ADARB2: variants seen among roughly 807,000 people sequenced by gnomAD.
ADARB2 encodes adenosine deaminase RNA specific B2 (inactive).
A neutral mutation model predicts 62.2 loss-of-function variants in ADARB2; 25 were observed. The ratio of observed to expected loss-of-function variants is 0.40; its 90% CI spans 0.29 to 0.56. ADARB2 has a LOEUF of 0.56. Among genes scored for constraint, ADARB2 ranks in the 20% least tolerant of loss-of-function variants. ADARB2 has a pLI of 0.43. For synonymous variants in ADARB2, 572 were observed against 500.8 expected (o/e 1.14, Z -1.90); for missense variants, 1,071 against 1,077.4 (o/e 0.99, Z 0.08).
At chr10:1,236,380 C>T (rs1240052423) in intron 5 of ADARB2, among the ~76,000 whole-genome samples, 5 of 12,348 alleles carry the variant, frequency 4.0e-4, no homozygotes, top group African/African-American at 7.3e-4. Flanking sequence ...CTCCCCTCTG[C>T]CTCCCGGTGT....
intron 1 of ADARB2, among the ~76,000 whole-genome samples, chr10:1,564,739 AT>A (rs1832834666): frequency 6.6e-6 from 1 of 152,100 alleles, no homozygotes; most frequent in African/African-American, 2.4e-5. Flanking sequence ...TAGAATGGCA[AT>A]CATTAAAAAG....
chr10:1,302,791 A>G (rs141561195), intron 3 of ADARB2, among the ~76,000 whole-genome samples: 135 of 152,336 alleles, frequency 8.9e-4, no homozygotes, highest in African/African-American at 3.0e-3. Flanking sequence ...ACTACAGGGT[A>G]CTCCAACAGA....
intron 3 of ADARB2, among the ~76,000 whole-genome samples, chr10:1,355,174 G>A (rs73576628): frequency 0.073 from 11,047 of 151,056 alleles, 712 homozygotes; most frequent in African/African-American, 0.17. Context: ...TCAGCCCACC[G>A]TGGTTTCTCC....
At chr10:1,196,816 G>T (rs920113204) in intron 8 of ADARB2, among the ~76,000 whole-genome samples, 2 of 152,016 alleles carry the variant, frequency 1.3e-5, no homozygotes, top group African/African-American at 4.8e-5. Context: ...TGGCCAGGCT[G>T]GTCTCAAACT....
chr10:1,620,921 A>G (rs948729455), intron 1 of ADARB2, among the ~76,000 whole-genome samples: 6 of 152,244 alleles, frequency 3.9e-5, no homozygotes, highest in Non-Finnish European at 2.9e-5. Context: ...CATTCATGAC[A>G]AACTCCCTTA....
At chr10:1,630,931 G>T (rs554731286) in intron 1 of ADARB2, among the ~76,000 whole-genome samples, 26 of 151,668 alleles carry the variant, frequency 1.7e-4, no homozygotes, top group Admixed American at 1.6e-3. Flanking sequence ...CTCCAGCCTG[G>T]GTGACAGAGC....
At chr10:1,278,508 T>A (rs1831341002) in intron 3 of ADARB2, among the ~76,000 whole-genome samples, 1 of 151,876 alleles carries the variant, frequency 6.6e-6, no homozygotes, top group Admixed American at 6.6e-5. Context: ...CACTCATAAG[T>A]GAGAACATGT....
intron 1 of ADARB2, among the ~76,000 whole-genome samples, chr10:1,640,978 C>T (rs1355130046): frequency 2.6e-5 from 4 of 152,118 alleles, no homozygotes; most frequent in East Asian, 1.9e-4. Context: ...TCTTAGCTAA[C>T]GTCAGTGAAC....
chr10:1,600,477 A>G (rs568659144), intron 1 of ADARB2, among the ~76,000 whole-genome samples: 2 of 152,188 alleles, frequency 1.3e-5, no homozygotes, highest in South Asian at 2.1e-4. Context: ...CCTGGTCAAC[A>G]TGGCGAAAGC....
At chr10:1,607,840 A>G (rs1021432008) in intron 1 of ADARB2, among the ~76,000 whole-genome samples, 1 of 152,320 alleles carries the variant, frequency 6.6e-6, no homozygotes, top group East Asian at 1.9e-4. Context: ...GGCTTAGGGC[A>G]TGGTCCTCCA....
intron 1 of ADARB2, among the ~76,000 whole-genome samples, chr10:1,456,134 A>G (rs1048986122): frequency 6.6e-5 from 10 of 152,156 alleles, no homozygotes; most frequent in Non-Finnish European, 1.3e-4. Context: ...AATGAAACTT[A>G]CTCTCTTTAT....
chr10:1,554,812 G>T (rs779273234), intron 1 of ADARB2, among the ~76,000 whole-genome samples: 1 of 152,096 alleles, frequency 6.6e-6, no homozygotes, highest in South Asian at 2.1e-4. Flanking sequence ...ACTGTGTGAC[G>T]CTGAGGTTTG....
Position 1,271,064 on chromosome 10 carries a change from G to A in ADARB2, c.1083C>T (p.Phe361=), listed in dbSNP as rs752704860. The A allele has an allele frequency of 1.8e-5, 29 of 1,613,526 alleles. No individual in the cohort carries two copies. Among genetic ancestry groups the A allele is most frequent in the African/African-American group, 5.3e-5 (4 of 74,918 alleles). ...TGACCAGCTGGGATATGGAGTCTGC[G>A]AATTCCTGAAAGACACAAGCACAGG... ...RARRTPMPQE[F]ADSISQLVTQ... The change falls in exon 4 of 10, where the codon TTC becomes TTT. Residue 361 remains phenylalanine, a synonymous_variant. Transcript: ENST00000381312.
At chr10:1,401,635 T>G (rs1034323989) in intron 1 of ADARB2, among the ~76,000 whole-genome samples, 2 of 152,200 alleles carry the variant, frequency 1.3e-5, no homozygotes, top group African/African-American at 4.8e-5. Context: ...GAGGCTACAC[T>G]GTGTATCCCG....
intron 1 of ADARB2, among the ~76,000 whole-genome samples, chr10:1,583,887 G>T (rs1833139346): frequency 6.6e-6 from 1 of 152,174 alleles, no homozygotes; most frequent in South Asian, 2.1e-4. Flanking sequence ...AGGGTTAAGG[G>T]TTGATTGTTG....
intron 1 of ADARB2, among the ~76,000 whole-genome samples, chr10:1,703,250 G>T (rs1216033319): frequency 1.3e-5 from 2 of 152,180 alleles, no homozygotes; most frequent in Non-Finnish European, 2.9e-5. Flanking sequence ...TAGCAAGGGG[G>T]TGGGGGCTGC....
chr10:1,627,757 T>C (rs1219586515), intron 1 of ADARB2, among the ~76,000 whole-genome samples: 1 of 152,168 alleles, frequency 6.6e-6, no homozygotes, highest in Non-Finnish European at 1.5e-5. Context: ...TCTCCCAGAG[T>C]GATTTCTTTC....
At chr10:1,490,430 A>T (rs1362774368) in intron 1 of ADARB2, among the ~76,000 whole-genome samples, 1 of 152,138 alleles carries the variant, frequency 6.6e-6, no homozygotes, top group Admixed American at 6.5e-5. Context: ...GGTTTCTTTT[A>T]CTACTGCTTT....
chr10:1,251,562 C>G (rs988289289), intron 4 of ADARB2, among the ~76,000 whole-genome samples: 11 of 152,102 alleles, frequency 7.2e-5, no homozygotes, highest in African/African-American at 2.2e-4. Flanking sequence ...CGAACCCTAA[C>G]ACAAAGAATG....
Sources: allele counts gnomAD v4.1 joint callset (sites outside exome capture counted in the v4.1 genomes callset), GRCh38; gene constraint gnomAD v4.1.1; transcripts MANE v1.5; gene names NCBI Gene and HGNC (gene_info 2026-07-23, HGNC 2026-07-21).